Variants in TEN1 observed in about 807,000 individuals in gnomAD.
TEN1 encodes the protein CST complex subunit TEN1.
Under a neutral mutation model 9.3 loss-of-function variants are expected in TEN1, and 6 were observed. That is an observed-to-expected ratio of 0.65 (90% CI 0.35 to 1.27). The LOEUF (loss-of-function observed/expected upper bound fraction) is 1.27. Ranked by LOEUF, TEN1 falls within the 50% of genes most tolerant of loss-of-function variation. The pLI is 0.03. For synonymous variants in TEN1, 65 were observed against 65.6 expected (o/e 0.99, Z 0.04); for missense variants, 149 against 158.2 (o/e 0.94, Z 0.31).
At chr17:75,995,919 G>A (rs1368934233) in intron 3 of TEN1, among the ~76,000 whole-genome samples, 4 of 151,838 alleles carry the variant, frequency 2.6e-5, no homozygotes, top group Non-Finnish European at 4.4e-5. Flanking sequence ...GCAGAGAGAC[G>A]CCATCTCTAC....
intron 3 of TEN1, among the ~76,000 whole-genome samples, chr17:75,995,154 A>C (rs1404648310): frequency 2.0e-5 from 3 of 151,744 alleles, no homozygotes; most frequent in Non-Finnish European, 4.4e-5. Flanking sequence ...CCAGGAGTTC[A>C]AGGTTACAGT....
intron 3 of TEN1, among the ~76,000 whole-genome samples, chr17:75,996,790 G>A (rs2066220960): frequency 6.6e-6 from 1 of 151,840 alleles, no homozygotes; most frequent in African/African-American, 2.4e-5. Context: ...AAGGGAGGGA[G>A]GGAAACCTTC....
chr17:75,991,430 A>G, intron 2 of TEN1, 36 bp from the exon 3 acceptor site: 1 of 1,549,542 alleles, frequency 6.5e-7, no homozygotes, highest in Admixed American at 2.0e-5. Context: ...GATTCTACGT[A>G]TGGATGGAAA....
chr17:75,986,304 T>C lies in TEN1; in HGVS notation c.92+20T>C. The C allele has an allele frequency of 6.5e-7, 1 of 1,538,656 alleles. No individual in the cohort carries two copies. Among genetic ancestry groups the C allele is most frequent in the Non-Finnish European group, 8.8e-7 (1 of 1,139,116 alleles). On this transcript the variant is annotated intron_variant, in intron 2 of 3. Transcript: ENST00000397640. ...TGGCAGGTGAGAACGGTTATTTTTT[T>C]CACTGGTGGGGGTGATGATATGTTA...
Position 76,000,193 on chromosome 17 carries a change from C to T in TEN1, c.303C>T (p.Asn101=). ...TGCTGACCTGTGTGGAGGGGATGAA[C>T]CTGCCCTTGTTGGAACAAGCCATCC... ...ARVLTCVEGM[N]LPLLEQAIRE... is the part of the protein sequence containing the mutation. The change falls in exon 4 of 4, where the codon AAC becomes AAT. Residue 101 remains asparagine (N), a synonymous_variant. Transcript: ENST00000397640. This position sits in a 1 kb window ranked among gnomAD's most constrained non-coding sequence, Gnocchi z 5.9. 6.4e-7 allele frequency: 1 copy of T among 1,551,492 alleles called. No homozygotes were observed. The highest frequency in any genetic ancestry group is 8.7e-7 in the Non-Finnish European group (1 of 1,146,972).
At chr17:75,988,561 C>CAAAA (rs1189354019) in intron 2 of TEN1, among the ~76,000 whole-genome samples, 2 of 28,978 alleles carry the variant, frequency 6.9e-5, no homozygotes, top group Non-Finnish European at 1.2e-4. Context: ...GATCCTGCCT[C>CAAAA]AAAAAAAAAA....
intron 3 of TEN1, among the ~76,000 whole-genome samples, chr17:75,997,885 G>A (rs1343156718): frequency 6.7e-6 from 1 of 149,104 alleles, no homozygotes. Flanking sequence ...ATGGAGTCTC[G>A]CTCTGTCACC....
At chr17:75,989,171 C>T (rs1192786656) in intron 2 of TEN1, among the ~76,000 whole-genome samples, 1 of 151,568 alleles carries the variant, frequency 6.6e-6, no homozygotes, top group Non-Finnish European at 1.5e-5. Context: ...GCGATCTCAG[C>T]TCACTGCAAG....
chr17:75,988,022 C>T (rs1362198510), intron 2 of TEN1, among the ~76,000 whole-genome samples: 5 of 151,382 alleles, frequency 3.3e-5, no homozygotes, highest in Middle Eastern at 3.2e-3. Context: ...GGCAGATCAC[C>T]TGAGGTCAGA....
chr17:76,000,370 G>C lies in TEN1; in HGVS notation c.*108G>C, dbSNP rs756830080. 7.0e-7 allele frequency: 1 copy of C among 1,418,906 alleles called. No individual in the cohort carries two copies. The highest frequency in any genetic ancestry group is 1.4e-5 in the African/African-American group (1 of 69,032). The allele number at this position is 1,418,906 out of a possible 1,614,324, so 87.9% of individuals were successfully genotyped here. On this transcript the variant is annotated 3_prime_UTR_variant, in exon 4 of 4. Transcript: ENST00000397640. This position sits in a 1 kb window ranked among gnomAD's most constrained non-coding sequence, Gnocchi z 5.9. Reference sequence around the variant, plus strand: ...CTCCCCAGCGACGGCCTTGTCTGGAGCTCGAAAGCCGAGGGGCGGGTGATG... The same window carrying C: ...CTCCCCAGCGACGGCCTTGTCTGGACCTCGAAAGCCGAGGGGCGGGTGATG...
At chr17:75,986,561 C>T (rs1475886313) in intron 2 of TEN1, among the ~76,000 whole-genome samples, 4 of 151,728 alleles carry the variant, frequency 2.6e-5, no homozygotes, top group Admixed American at 2.0e-4. Flanking sequence ...ATTAGCTGGG[C>T]GTGGTGGCGC....
Position 75,979,283 on chromosome 17 carries a change from GT to G in TEN1, c.-234del. On this transcript the variant is annotated 5_prime_UTR_variant, in exon 1 of 4. The change abolishes the stop of an existing upstream ORF in the 5' untranslated region. Coordinates refer to ENST00000397640, the MANE Select transcript of TEN1 (RefSeq NM_001113324.3). ...CAGCGGCCCAGACAGAGGGGGCGAT[GT>G]CCGCGTCGTGGCTGGGGCCGGTCGC... 1 of 682,598 alleles carries G rather than the reference GT, an allele frequency of 1.5e-6. No individual in the cohort carries two copies. Among genetic ancestry groups the G allele is most frequent in the South Asian group, 1.8e-5 (1 of 56,922 alleles). 42.3% of individuals were successfully genotyped at this position (682,598 alleles called of 1,614,324 possible). A position where few individuals can be genotyped will look rare whatever the true frequency, so the allele number is the denominator to read the frequency against.
intron 3 of TEN1, among the ~76,000 whole-genome samples, chr17:75,991,967 C>A (rs1213964701): frequency 6.7e-6 from 1 of 149,328 alleles, no homozygotes; most frequent in Non-Finnish European, 1.5e-5. Context: ...GAATCACTTG[C>A]ACCAGGGAGG....
chr17:75,997,365 C>G (rs568425553), intron 3 of TEN1, among the ~76,000 whole-genome samples: 2 of 152,106 alleles, frequency 1.3e-5, no homozygotes, highest in Non-Finnish European at 2.9e-5. Flanking sequence ...CCCTCCCCGG[C>G]GCCACCACAG....
chr17:75,979,408 G>A lies in TEN1; in HGVS notation c.-110G>A, dbSNP rs923391208. The A allele has an allele frequency of 2.1e-5, 10 of 465,276 alleles. No homozygotes were observed. The highest frequency in any genetic ancestry group is 1.3e-4 in the South Asian group (6 of 47,118). 28.8% of individuals were successfully genotyped at this position (465,276 alleles called of 1,614,324 possible). A position where few individuals can be genotyped will look rare whatever the true frequency, so the allele number is the denominator to read the frequency against. ...CAAGAAACTGCCCTGCTGGGCGTCCGGGGAGTGGGAAAATAAAGCACTTTT... is the reference window on the plus strand; with the variant it reads ...CAAGAAACTGCCCTGCTGGGCGTCCAGGGAGTGGGAAAATAAAGCACTTTT... On this transcript the variant is annotated 5_prime_UTR_variant, in exon 1 of 4. Coordinates refer to ENST00000397640, the MANE Select transcript of TEN1 (RefSeq NM_001113324.3).
chr17:75,992,722 C>T (rs1425550683), intron 3 of TEN1, among the ~76,000 whole-genome samples: 1 of 151,102 alleles, frequency 6.6e-6, no homozygotes, highest in Admixed American at 6.6e-5. Flanking sequence ...CCGTATTAGC[C>T]AGGATGGTCT....
rs999128316 is a variant in TEN1, at chr17:75,979,507, A to G, written c.-11A>G. The G allele has an allele frequency of 3.1e-6, 1 of 326,276 alleles. No individual in the cohort carries two copies. The highest frequency in any genetic ancestry group is 6.0e-6 in the Non-Finnish European group (1 of 166,698). 20.2% of individuals were successfully genotyped at this position (326,276 alleles called of 1,614,324 possible). ...AAATCCGAGGACCGGCGACGCCTAG[A>G]ACAGGTTGGCTGGGGCCTTGGGAAG... On this transcript the variant is annotated 5_prime_UTR_variant, in exon 1 of 4. Coordinates refer to ENST00000397640, the MANE Select transcript of TEN1 (RefSeq NM_001113324.3).
At chr17:75,991,726 T>C (rs2066187064) in intron 3 of TEN1, 103 bp downstream of exon 3, 2 of 1,327,502 alleles carry the variant, frequency 1.5e-6, no homozygotes, top group African/African-American at 3.0e-5. Context: ...CAGCAATGTC[T>C]CATCAGGGTT....
At chr17:75,995,336 G>A (rs2144361569) in intron 3 of TEN1, among the ~76,000 whole-genome samples, 1 of 152,210 alleles carries the variant, frequency 6.6e-6, no homozygotes, top group South Asian at 2.1e-4. Flanking sequence ...AGACCAGCCT[G>A]GGAAATGTAG....
Sources: allele counts gnomAD v4.1 joint callset (sites outside exome capture counted in the v4.1 genomes callset), GRCh38; gene constraint gnomAD v4.1.1; non-coding constraint Gnocchi (gnomAD v3.1); transcripts MANE v1.5; gene names NCBI Gene and HGNC (gene_info 2026-07-23, HGNC 2026-07-21).